Variants in SEMA3E observed in about 807,000 individuals in gnomAD.
The protein encoded by SEMA3E is semaphorin 3E.
SEMA3E carries 49 observed loss-of-function variants against 93.6 expected under a neutral mutation model. That is an observed-to-expected ratio of 0.52 (90% CI 0.42 to 0.66). SEMA3E has a LOEUF of 0.66. SEMA3E is among the 30% of genes least tolerant of loss of function. The pLI is 0.00. For missense variants in SEMA3E, 906 were observed against 964.8 expected (o/e 0.94, Z 0.81); for synonymous variants, 363 against 330.7 (o/e 1.10, Z -1.06).
chr7:83,447,060 A>C (rs1369239721), intron 4 of SEMA3E, among the ~76,000 whole-genome samples: 1 of 152,218 alleles, frequency 6.6e-6, no homozygotes, highest in Non-Finnish European at 1.5e-5. Flanking sequence ...AAAGAGGATT[A>C]GAGAGAAAAA....
chr7:83,414,355 TTAA>T (rs1788501180), intron 5 of SEMA3E, among the ~76,000 whole-genome samples: 1 of 103,208 alleles, frequency 9.7e-6, no homozygotes, highest in South Asian at 4.0e-4. Context: ...TTAAAATGTT[TTAA>T]TATTATTAAC....
chr7:83,559,566 A>T (rs1791985546), intron 1 of SEMA3E, among the ~76,000 whole-genome samples: 1 of 151,954 alleles, frequency 6.6e-6, no homozygotes, highest in African/African-American at 2.4e-5. Context: ...AGTACTGACA[A>T]TATCAAATGC....
intron 1 of SEMA3E, among the ~76,000 whole-genome samples, chr7:83,565,983 A>C (rs368659712): frequency 6.8e-6 from 1 of 147,488 alleles, no homozygotes; most frequent in African/African-American, 2.5e-5. Context: ...CTTACTTACC[A>C]ATGTTTCCAC....
At chr7:83,509,760 T>A (rs895280010) in intron 1 of SEMA3E, among the ~76,000 whole-genome samples, 5 of 152,266 alleles carry the variant, frequency 3.3e-5, no homozygotes, top group East Asian at 1.9e-4. Context: ...ACTGGAATTT[T>A]AAAAAAATTT....
At chr7:83,578,730 C>T (rs1277639858) in intron 1 of SEMA3E, among the ~76,000 whole-genome samples, 1 of 152,082 alleles carries the variant, frequency 6.6e-6, no homozygotes, top group Non-Finnish European at 1.5e-5. Context: ...CAAACAAACT[C>T]CCTCTCTTAG....
At chr7:83,368,920 G>A (rs1037297399) in intron 16 of SEMA3E, among the ~76,000 whole-genome samples, 1 of 152,094 alleles carries the variant, frequency 6.6e-6, no homozygotes, top group Admixed American at 6.5e-5. Context: ...GTGTGATTTA[G>A]GGCATTCATG....
At chr7:83,458,951 ATATGTG>A (rs1789552387) in intron 4 of SEMA3E, among the ~76,000 whole-genome samples, 1 of 74,720 alleles carries the variant, frequency 1.3e-5, no homozygotes, top group South Asian at 5.8e-4. Context: ...ACACATATGT[ATATGTG>A]TGTGTGTGTG....
chr7:83,571,255 C>A (rs1251423760), intron 1 of SEMA3E, among the ~76,000 whole-genome samples: 1 of 151,972 alleles, frequency 6.6e-6, no homozygotes, highest in Non-Finnish European at 1.5e-5. Flanking sequence ...CAAAATCTGC[C>A]AGAGAGACAA....
intron 4 of SEMA3E, among the ~76,000 whole-genome samples, chr7:83,429,653 G>A (rs920196467): frequency 6.6e-6 from 1 of 152,146 alleles, no homozygotes; most frequent in Non-Finnish European, 1.5e-5. Context: ...AGAATGGGCA[G>A]CTCAGGCCCT....
chr7:83,569,005 T>G (rs10246163), intron 1 of SEMA3E, among the ~76,000 whole-genome samples: 1 of 152,134 alleles, frequency 6.6e-6, no homozygotes, highest in African/African-American at 2.4e-5. Flanking sequence ...AAAAACCTCC[T>G]AGATCTGAAA....
Position 83,605,064 on chromosome 7 carries a change from C to G in SEMA3E, c.115+43364G>C, listed in dbSNP as rs139836016. ...CATTTGGGTTGATTCCATGTCTTTG[C>G]TCTTGTAAATACTGCTGCAATAAGC... On this transcript the variant is annotated intron_variant, in intron 1 of 16. Coordinates refer to ENST00000643230, the MANE Select transcript of SEMA3E (RefSeq NM_012431.3). 3.3e-5 allele frequency among the ~76,000 whole-genome samples: 5 copies of G among 152,132 alleles called. No homozygotes were observed. The East Asian group carries it at 9.7e-4, about 29-fold the overall frequency.
At chr7:83,517,460 CTCCT>C (rs1173681636) in intron 1 of SEMA3E, among the ~76,000 whole-genome samples, 2 of 152,150 alleles carry the variant, frequency 1.3e-5, no homozygotes, top group Non-Finnish European at 2.9e-5. Context: ...GCTTTTGCTA[CTCCT>C]CCAACTTTTG....
At chr7:83,527,778 A>AAT (rs35059958) in intron 1 of SEMA3E, among the ~76,000 whole-genome samples, 55,999 of 139,896 alleles carry the variant, frequency 0.4, 12,275 homozygotes, top group Non-Finnish European at 0.51. Flanking sequence ...AATTTTTGTG[A>AAT]TTTTTTTTTT....
At chr7:83,426,056 T>C (rs1005984047) in intron 4 of SEMA3E, among the ~76,000 whole-genome samples, 3 of 152,074 alleles carry the variant, frequency 2.0e-5, no homozygotes, top group Non-Finnish European at 4.4e-5. Flanking sequence ...TGGCTATTAT[T>C]AAAAAGTCAA....
At chr7:83,628,947 G>A (rs904405617) in intron 1 of SEMA3E, among the ~76,000 whole-genome samples, 2 of 152,058 alleles carry the variant, frequency 1.3e-5, no homozygotes, top group African/African-American at 2.4e-5. Flanking sequence ...CTTTGAGGTT[G>A]GTGACCTTCA....
chr7:83,502,948 C>T (rs145465667), intron 1 of SEMA3E, among the ~76,000 whole-genome samples: 6 of 151,402 alleles, frequency 4.0e-5, no homozygotes, highest in African/African-American at 4.8e-5. Context: ...GTAGGACTGC[C>T]GTAAGAATCA....
intron 1 of SEMA3E, among the ~76,000 whole-genome samples, chr7:83,598,806 C>T (rs1792927335): frequency 6.6e-6 from 1 of 152,184 alleles, no homozygotes; most frequent in Non-Finnish European, 1.5e-5. Flanking sequence ...TTTGTCATCA[C>T]TTATCTCATT....
At chr7:83,595,117 A>G (rs1338774865) in intron 1 of SEMA3E, among the ~76,000 whole-genome samples, 1 of 152,070 alleles carries the variant, frequency 6.6e-6, no homozygotes. Context: ...AAGTGAAAAG[A>G]AGCTAGAGTC....
chr7:83,514,543 A>T (rs2535373), intron 1 of SEMA3E, among the ~76,000 whole-genome samples: 7,599 of 152,184 alleles, frequency 0.05, 372 homozygotes, highest in African/African-American at 0.13. Flanking sequence ...GTTGGTTTTT[A>T]AAAAAAGATA....
Sources: allele counts gnomAD v4.1 joint callset (sites outside exome capture counted in the v4.1 genomes callset), GRCh38; gene constraint gnomAD v4.1.1; transcripts MANE v1.5; gene names NCBI Gene and HGNC (gene_info 2026-07-23, HGNC 2026-07-21).